PRDM2: variants seen among roughly 807,000 people sequenced by gnomAD.
The protein encoded by PRDM2 is PR domain zinc finger protein 2.
Under a neutral mutation model 130.0 loss-of-function variants are expected in PRDM2, and 30 were observed. That is an observed-to-expected ratio of 0.23 (90% CI 0.17 to 0.31). The LOEUF (loss-of-function observed/expected upper bound fraction) is 0.31, where lower values mean the gene tolerates loss of function less well. Ranked by LOEUF, PRDM2 falls within the 10% of genes least tolerant of loss-of-function variation. The pLI is 1.00. For missense variants in PRDM2, 2,011 were observed against 2,108.4 expected (o/e 0.95, Z 0.90); for synonymous variants, 871 against 782.4 (o/e 1.11, Z -1.89).
intron 6 of PRDM2, among the ~76,000 whole-genome samples, chr1:13,766,570 G>A (rs931543680): frequency 4.6e-5 from 7 of 152,214 alleles, no homozygotes; most frequent in Admixed American, 3.3e-4. Context: ...ACCCACCTTG[G>A]TGAGTTGGTA....
chr1:13,715,566 T>C lies in PRDM2; in HGVS notation c.-40T>C. 6.5e-7 allele frequency: 1 copy of C among 1,539,644 alleles called. No individual in the cohort carries two copies. The highest frequency in any genetic ancestry group is 8.7e-7 in the Non-Finnish European group (1 of 1,145,760). On this transcript the variant is annotated 5_prime_UTR_variant, in exon 2 of 10. Transcript: ENST00000311066. ...GGTTCATGTAATCAAAGAAGTTTCTTTGTTGTGTGTATCTTTACAGAACAC... is the reference window on the plus strand; with the variant it reads ...GGTTCATGTAATCAAAGAAGTTTCTCTGTTGTGTGTATCTTTACAGAACAC...
At chr1:13,735,311 C>T (rs1643233859) in intron 4 of PRDM2, among the ~76,000 whole-genome samples, 1 of 152,168 alleles carries the variant, frequency 6.6e-6, no homozygotes, top group Admixed American at 6.5e-5. Context: ...AGAGAGCGTT[C>T]TTCGATGAGT....
At chr1:13,756,064 A>T (rs1318554900) in intron 6 of PRDM2, among the ~76,000 whole-genome samples, 6 of 151,502 alleles carry the variant, frequency 4.0e-5, no homozygotes, top group Admixed American at 6.6e-5. Flanking sequence ...ATCCTGGCTA[A>T]CATGGTGAAA....
At chr1:13,722,219 C>G (rs1642752890) in intron 2 of PRDM2, among the ~76,000 whole-genome samples, 1 of 152,164 alleles carries the variant, frequency 6.6e-6, no homozygotes, top group Non-Finnish European at 1.5e-5. Context: ...ATGCAGCTCA[C>G]CATCTGGGAA....
At chr1:13,724,203 T>C (rs1048725017) in intron 2 of PRDM2, among the ~76,000 whole-genome samples, 1 of 152,224 alleles carries the variant, frequency 6.6e-6, no homozygotes, top group Non-Finnish European at 1.5e-5. Flanking sequence ...GGAACTTTTC[T>C]TCTGCTTTTT....
intron 6 of PRDM2, among the ~76,000 whole-genome samples, chr1:13,751,154 A>G (rs905941183): frequency 1.6e-4 from 24 of 152,040 alleles, no homozygotes; most frequent in African/African-American, 5.3e-4. Flanking sequence ...GGATTTGGGG[A>G]AAAACTTGAA....
rs61747666 is a variant in PRDM2, at chr1:13,782,480, C to T, written c.4685C>T (p.Ser1562Leu). 4.9e-4 allele frequency: 788 copies of T among 1,614,066 alleles called. No individual in the cohort carries two copies. The highest frequency in any genetic ancestry group is 7.3e-4 in the Admixed American group (44 of 60,006). ...AAGCAGAACGTCAAGTTTGCAGCTT[C>T]GGTGAAATCCAAAAAACCAAGCTCC... is the stretch of plus-strand genomic sequence containing the variant. Reference protein sequence around the residue: ...RSKQNVKFAASVKSKKPSSSS... With the variant: ...RSKQNVKFAALVKSKKPSSSS... Residue 1562 changes from serine (S) to leucine (L), a missense_variant, in exon 8 of 10, where the codon TCG becomes TTG. Physicochemically the swap from Ser to Leu is moderately radical, Grantham distance 145. Coordinates refer to ENST00000311066, the MANE Select transcript of PRDM2 (RefSeq NM_001393986.1).
intron 2 of PRDM2, among the ~76,000 whole-genome samples, chr1:13,718,610 A>T (rs1259957825): frequency 6.6e-6 from 1 of 151,778 alleles, no homozygotes; most frequent in Non-Finnish European, 1.5e-5. Flanking sequence ...TCTGTTCTTC[A>T]CTCAAAACTC....
intron 3 of PRDM2, among the ~76,000 whole-genome samples, chr1:13,732,392 A>C (rs1193418105): frequency 2.0e-5 from 3 of 152,232 alleles, no homozygotes; most frequent in Non-Finnish European, 4.4e-5. Flanking sequence ...TTTATAAACA[A>C]GCAGACAGAG....
chr1:13,801,824 C>A (rs1286212444), intron 8 of PRDM2, among the ~76,000 whole-genome samples: 1 of 152,214 alleles, frequency 6.6e-6, no homozygotes, highest in African/African-American at 2.4e-5. Flanking sequence ...AGTTTTCATT[C>A]CACATGCGCC....
chr1:13,761,112 G>A (rs1465486435), intron 6 of PRDM2, among the ~76,000 whole-genome samples: 1 of 152,226 alleles, frequency 6.6e-6, no homozygotes, highest in Non-Finnish European at 1.5e-5. Flanking sequence ...ACATAGGTTG[G>A]TGCATTAGGT....
chr1:13,705,986 A>G (rs1018742661), intron 1 of PRDM2, among the ~76,000 whole-genome samples: 19 of 150,968 alleles, frequency 1.3e-4, no homozygotes, highest in Non-Finnish European at 2.4e-4. Flanking sequence ...CGTCTCAAAA[A>G]AAAAAAAAAA....
At chr1:13,786,755 A>G (rs766949519) in intron 8 of PRDM2, 26 of 1,390,324 alleles carry the variant, frequency 1.9e-5, no homozygotes, top group Non-Finnish European at 2.2e-5. Flanking sequence ...ATTGAGATCC[A>G]AAGAGAAGGG....
intron 2 of PRDM2, chr1:13,717,574 G>A (rs1049504353): frequency 4.7e-6 from 2 of 428,532 alleles, no homozygotes; most frequent in Non-Finnish European, 6.2e-6. Flanking sequence ...AATATTTCTA[G>A]TGAATTAGAC....
rs1166310282 is a variant in PRDM2 at position 13,781,608 on chromosome 1, G to A, written c.3813G>A (p.Thr1271=). The A allele has an allele frequency of 4.3e-6, 7 of 1,613,210 alleles. No homozygotes were observed. In the African/African-American group the frequency reaches 5.3e-5, roughly 12 times the overall value. ...ATGATTCCTCTGAAGAGCTTTACACGACTATAAAAATAATGGCTTCTGGAA... is the reference window on the plus strand; with the variant it reads ...ATGATTCCTCTGAAGAGCTTTACACAACTATAAAAATAATGGCTTCTGGAA... ...ELNDSSEELY[T]TIKIMASGIK... Residue 1271 remains threonine (T), a synonymous_variant, in exon 8 of 10, where the codon ACG becomes ACA. Transcript: ENST00000311066. This position sits in a 1 kb window ranked among gnomAD's most constrained non-coding sequence, Gnocchi z 6.1.
intron 2 of PRDM2, among the ~76,000 whole-genome samples, chr1:13,718,720 G>A (rs776775487): frequency 2.0e-5 from 3 of 152,106 alleles, no homozygotes; most frequent in Admixed American, 6.6e-5. Flanking sequence ...GGGTGGCAGC[G>A]AGAGCAGTAG....
chr1:13,731,701 T>A (rs910093298), intron 3 of PRDM2, among the ~76,000 whole-genome samples: 2 of 152,210 alleles, frequency 1.3e-5, no homozygotes, highest in Non-Finnish European at 2.9e-5. Flanking sequence ...TGTGGCCTAA[T>A]CTTTAGACAG....
chr1:13,755,920 A>G (rs1643939215), intron 6 of PRDM2, among the ~76,000 whole-genome samples: 1 of 151,880 alleles, frequency 6.6e-6, no homozygotes, highest in Non-Finnish European at 1.5e-5. Flanking sequence ...AGGCTTGTAC[A>G]GGGTGTAGCT....
At chr1:13,712,026 G>T (rs1201984436) in intron 1 of PRDM2, among the ~76,000 whole-genome samples, 1 of 147,320 alleles carries the variant, frequency 6.8e-6, no homozygotes, top group Non-Finnish European at 1.5e-5. Flanking sequence ...GATAGCCTGG[G>T]TAACAAGGTG....
Sources: gnomAD v4.1 joint callset for allele counts (sites outside exome capture counted in the v4.1 genomes callset) on GRCh38, gnomAD v4.1.1 for gene constraint, Gnocchi (gnomAD v3.1) non-coding constraint, MANE v1.5 for transcripts, NCBI Gene and HGNC (gene_info 2026-07-23, HGNC 2026-07-21) for gene names.